LRRC49: variants seen among roughly 807,000 people sequenced by gnomAD.
The protein encoded by LRRC49 is leucine rich repeat containing 49.
In LRRC49, 50 loss-of-function variants were observed where a neutral mutation model predicts 83.3. The observed-to-expected ratio is 0.60, with a 90% CI of 0.48 to 0.76. The LOEUF is 0.76. Among genes scored for constraint, LRRC49 ranks in the 30% least tolerant of loss-of-function variants. LRRC49 has a pLI of 0.00. For missense variants in LRRC49, 704 were observed against 809.1 expected, an observed-to-expected ratio of 0.87 and a Z score of 1.58; for synonymous variants, 286 against 283.3, an observed-to-expected ratio of 1.01 and a Z score of -0.10.
chr15:70,858,627 C>A, intron 1 of LRRC49: 1 of 525,260 alleles, frequency 1.9e-6, no homozygotes, highest in East Asian at 3.0e-5. Context: ...ACAAAACAAA[C>A]AAAAAAAGGA....
intron 8 of LRRC49, among the ~76,000 whole-genome samples, chr15:70,955,918 T>G (rs964413096): frequency 1.3e-5 from 2 of 152,332 alleles, no homozygotes; most frequent in East Asian, 1.9e-4. Context: ...ATTTCAGTCC[T>G]TGTGAGCACG....
At chr15:70,872,152 G>A (rs1356031562) in intron 1 of LRRC49, among the ~76,000 whole-genome samples, 2 of 152,216 alleles carry the variant, frequency 1.3e-5, no homozygotes, top group Admixed American at 6.5e-5. Context: ...CTGGCACCTC[G>A]GGAGGCCGAA....
chr15:70,895,821 T>C, intron 2 of LRRC49, 28 bp from the exon 3 acceptor site: 1 of 1,431,466 alleles, frequency 7.0e-7, no homozygotes, highest in Non-Finnish European at 9.7e-7. Context: ...TGTCTCCAAA[T>C]ATTTTTTTCT....
intron 8 of LRRC49, among the ~76,000 whole-genome samples, chr15:70,950,654 T>C (rs186198372): frequency 1.1e-3 from 161 of 152,350 alleles, no homozygotes; most frequent in African/African-American, 3.7e-3. Context: ...AAATTCTGGA[T>C]ATTAGACCTT....
At chr15:70,928,461 T>G (rs971487320) in intron 7 of LRRC49, among the ~76,000 whole-genome samples, 1 of 152,174 alleles carries the variant, frequency 6.6e-6, no homozygotes, top group African/African-American at 2.4e-5. Context: ...ATGTTAGATT[T>G]AATAAAATGT....
intron 7 of LRRC49, among the ~76,000 whole-genome samples, chr15:70,932,726 C>CTTTTTTTTTTTTTTTTTTTTTT (rs5813614): frequency 2.1e-5 from 2 of 97,200 alleles, no homozygotes; most frequent in African/African-American, 3.7e-5. Flanking sequence ...CTTTCTCTGT[C>CTTTTTTTTTTTTTTTTTTTTTT]TTTTTTTTTT....
rs2034543959 is a variant in LRRC49, at chr15:70,911,390, T to C, written c.501-142T>C. On this transcript the variant is annotated intron_variant, in intron 5 of 15. Coordinates refer to ENST00000260382, the MANE Select transcript of LRRC49 (RefSeq NM_017691.5). ...TAAATTATAATAAATCAGAGGGAAATATATTATTGTTGAATATATATATAA... is the reference window on the plus strand; with the variant it reads ...TAAATTATAATAAATCAGAGGGAAACATATTATTGTTGAATATATATATAA... 9.7e-6 allele frequency: 4 copies of C among 414,400 alleles called. 1 individual carries two copies. In the South Asian group the frequency reaches 2.9e-4, roughly 30 times the overall value. The allele number at this position is 414,400 out of a possible 1,614,324, so 25.7% of individuals were successfully genotyped here.
upstream of LRRC49, among the ~76,000 whole-genome samples, chr15:70,888,827 A>C (rs993832062): frequency 1.3e-5 from 2 of 152,210 alleles, no homozygotes; most frequent in Non-Finnish European, 2.9e-5. Context: ...AAGGCTACCT[A>C]AATATCCAAT....
intron 2 of LRRC49, chr15:70,882,490 AG>A: frequency 6.2e-7 from 1 of 1,613,612 alleles, no homozygotes; most frequent in South Asian, 1.1e-5. Flanking sequence ...CAGCCATATA[AG>A]ACAAATCACT....
chr15:70,894,621 A>AT (rs1402403030), intron 2 of LRRC49: 2 of 1,287,826 alleles, frequency 1.6e-6, no homozygotes, highest in Non-Finnish European at 1.0e-6. Flanking sequence ...ACACAACATG[A>AT]TTTTTCCTCC....
chr15:70,904,534 T>C lies in LRRC49; in HGVS notation c.297-18T>C. On this transcript the variant is annotated intron_variant, in intron 4 of 15. Coordinates refer to ENST00000260382, the MANE Select transcript of LRRC49 (RefSeq NM_017691.5). ...TGGCTGAATCATAACCTAATTAACT[T>C]TTTAACATTTTTTCTAGACAAAAGC... The C allele has an allele frequency of 6.3e-7, 1 of 1,579,014 alleles. No individual in the cohort carries two copies. Among genetic ancestry groups the C allele is most frequent in the East Asian group, 2.2e-5 (1 of 44,650 alleles).
intron 8 of LRRC49, among the ~76,000 whole-genome samples, chr15:70,939,139 T>G (rs2035709899): frequency 6.6e-6 from 1 of 152,190 alleles, no homozygotes; most frequent in Non-Finnish European, 1.5e-5. Context: ...AGATATAGCT[T>G]CTTATATTTC....
intron 14 of LRRC49, among the ~76,000 whole-genome samples, chr15:71,036,937 A>G (rs1260892201): frequency 6.6e-6 from 1 of 152,106 alleles, no homozygotes; most frequent in East Asian, 1.9e-4. Context: ...TTTTCATTTT[A>G]GAAATGTTTG....
intron 1 of LRRC49, among the ~76,000 whole-genome samples, chr15:70,868,361 C>A (rs2141074153): frequency 6.6e-6 from 1 of 152,310 alleles, no homozygotes; most frequent in Admixed American, 6.5e-5. Context: ...CCAATTATTA[C>A]AACTCAGGCC....
At chr15:70,928,328 A>T (rs1031537721) in intron 7 of LRRC49, among the ~76,000 whole-genome samples, 1 of 152,162 alleles carries the variant, frequency 6.6e-6, no homozygotes, top group Admixed American at 6.5e-5. Flanking sequence ...CAGTAAAAAA[A>T]TCTGGTTAAG....
At chr15:70,871,801 C>CG (rs1246182703) in intron 1 of LRRC49, among the ~76,000 whole-genome samples, 12 of 141,706 alleles carry the variant, frequency 8.5e-5, no homozygotes, top group Non-Finnish European at 1.8e-4. Flanking sequence ...CCAGACGGGG[C>CG]GGGGGGGTAG....
chr15:71,009,748 A>G (rs953266276), intron 12 of LRRC49, 59 bp from the exon 13 acceptor site: 221 of 1,159,742 alleles, frequency 1.9e-4, no homozygotes, highest in Admixed American at 2.5e-4. Flanking sequence ...CTTTAATGTT[A>G]ATATTTCAAT....
chr15:70,965,211 G>A (rs886804712), intron 9 of LRRC49, among the ~76,000 whole-genome samples: 13 of 152,036 alleles, frequency 8.6e-5, no homozygotes, highest in African/African-American at 2.7e-4. Context: ...GAGCTAACTC[G>A]TTTATATAAA....
chr15:70,856,522 C>A (rs1034327947), intron 1 of LRRC49, among the ~76,000 whole-genome samples: 4 of 152,140 alleles, frequency 2.6e-5, no homozygotes, highest in Admixed American at 2.6e-4. Context: ...AGAACAGCCA[C>A]AATGTATATA....
Sources: gnomAD v4.1 joint callset for allele counts (sites outside exome capture counted in the v4.1 genomes callset) on GRCh38, gnomAD v4.1.1 for gene constraint, MANE v1.5 for transcripts, NCBI Gene and HGNC (gene_info 2026-07-23, HGNC 2026-07-21) for gene names.